Variants in ETNK2 observed in about 807,000 individuals in gnomAD.
ETNK2 encodes ethanolamine kinase-like protein.
ETNK2 carries 33 observed loss-of-function variants against 46.2 expected under a neutral mutation model. The ratio of observed to expected loss-of-function variants is 0.71; its 90% CI spans 0.54 to 0.96. The LOEUF (loss-of-function observed/expected upper bound fraction) is 0.96, where lower values mean the gene tolerates loss of function less well. ETNK2 is among the 40% of genes least tolerant of loss of function. The pLI is 0.00. For missense variants in ETNK2, 445 were observed against 509.7 expected (o/e 0.87, Z 1.22); for synonymous variants, 194 against 209.0 (o/e 0.93, Z 0.62).
Position 204,141,444 on chromosome 1 carries a change from C to T in ETNK2, c.655G>A (p.Val219Ile), listed in dbSNP as rs1355614190. The T allele has an allele frequency of 6.3e-7, 1 of 1,596,632 alleles. No homozygotes were observed. Among genetic ancestry groups the T allele is most frequent in the Non-Finnish European group, 8.5e-7 (1 of 1,171,492 alleles). Residue 219 changes from valine (V) to isoleucine (I), a missense_variant, in exon 4 of 8, where the codon GTC (valine) becomes ATC (isoleucine). Val to Ile is a conservative substitution (Grantham distance 29, BLOSUM62 3). Coordinates refer to ENST00000367202, the MANE Select transcript of ETNK2 (RefSeq NM_018208.4). Reference sequence around the variant, plus strand: ...CGTTCCAACACCTCTACCTTAGGGACATCTGCAGAAAGGCTGGGCAGTGGC... The same window carrying T: ...CGTTCCAACACCTCTACCTTAGGGATATCTGCAGAAAGGCTGGGCAGTGGC... ...NEINPSLSADVPKVEVLEREL... is the reference protein window; with the variant it reads ...NEINPSLSADIPKVEVLEREL...
intron 5 of ETNK2, among the ~76,000 whole-genome samples, chr1:204,138,451 C>G (rs991021147): frequency 5.9e-5 from 9 of 152,178 alleles, no homozygotes; most frequent in African/African-American, 2.2e-4. Flanking sequence ...TGTGGAAAGG[C>G]CAGGGGGCCT....
chr1:204,147,460 C>T (rs748325102), intron 2 of ETNK2: 8 of 533,322 alleles, frequency 1.5e-5, no homozygotes, highest in East Asian at 5.5e-5. Context: ...GAAAACTGAC[C>T]GGTCAGAGAA....
intron 5 of ETNK2, 100 bp downstream of exon 5, chr1:204,139,935 G>A (rs534501513): frequency 9.4e-6 from 9 of 954,960 alleles, no homozygotes; most frequent in Admixed American, 1.8e-5. Flanking sequence ...ACCTATTACC[G>A]TAAATATACA....
intron 3 of ETNK2, among the ~76,000 whole-genome samples, chr1:204,143,389 G>C (rs766747604): frequency 1.7e-5 from 2 of 116,456 alleles, no homozygotes; most frequent in Admixed American, 1.1e-4. Flanking sequence ...CCAAGGCCAC[G>C]CAGATGGTTA....
Position 204,151,521 on chromosome 1 carries a change from C to G in ETNK2, c.258+74G>C. The G allele has an allele frequency of 1.3e-6, 2 of 1,533,870 alleles. No homozygotes were observed. The highest frequency in any genetic ancestry group is 2.4e-5 in the South Asian group (2 of 82,706). On this transcript the variant is annotated intron_variant, in intron 1 of 7. Transcript: ENST00000367202. The surrounding 1 kb of genome is among the most constrained non-coding windows in gnomAD (Gnocchi z 8.0). ...CCTGGGACTGACACCCGGAAGGATG[C>G]GAGGACTGGGTCCCCGCATCCCCCT...
At chr1:204,142,360 C>T (rs1359005536) in intron 3 of ETNK2, 1 of 152,304 alleles carries the variant, frequency 6.6e-6, no homozygotes, top group Admixed American at 6.5e-5. Flanking sequence ...TGCCCCACCC[C>T]CATCCCAAGC....
chr1:204,140,045 A>G lies in ETNK2; in HGVS notation c.858T>C (p.Asn286=), dbSNP rs1414516152. 3.1e-6 allele frequency: 5 copies of G among 1,613,348 alleles called. No homozygotes were observed. The highest frequency in any genetic ancestry group is 4.2e-6 in the Non-Finnish European group (5 of 1,179,324). The change falls in exon 5 of 8, where the codon AAT becomes AAC. Residue 286 remains asparagine, a synonymous_variant. Coordinates refer to ENST00000367202, the MANE Select transcript of ETNK2 (RefSeq NM_018208.4). ...AAATGCCCCTCTCACCTGCAAACTC[A>G]TTGAAATGGTTGCCAATGTCAAAAG... is the stretch of plus-strand genomic sequence containing the variant. ...YQAFDIGNHF[N]EFAGVNEVDY...
At chr1:204,147,476 G>C (rs1281233725) in intron 2 of ETNK2, 1 of 533,334 alleles carries the variant, frequency 1.9e-6, no homozygotes, top group Non-Finnish European at 3.8e-6. Flanking sequence ...GAGAAGGAGG[G>C]CCTTGATAAA....
chr1:204,151,614 G>C lies in ETNK2; in HGVS notation c.239C>G (p.Pro80Arg). 6.5e-7 allele frequency: 1 copy of C among 1,548,510 alleles called. No individual in the cohort carries two copies. Among genetic ancestry groups the C allele is most frequent in the Non-Finnish European group, 8.7e-7 (1 of 1,145,980 alleles). Residue 80 changes from proline to arginine, a missense_variant, in exon 1 of 8, where the codon CCC becomes CGC. Transcript: ENST00000367202. The surrounding 1 kb of genome is among the most constrained non-coding windows in gnomAD (Gnocchi z 8.0). ...CGCTACCTTGGTCCGAACTTGCTCG[G>C]GTTTCCAATGCGGCCGCAGCTCCTG... ...LIQELRPHWK[P>R]EQVRTKRFTD...
rs767589767 is a variant in ETNK2, at chr1:204,151,583, C to T, written c.258+12G>A. The stretch of plus-strand genomic sequence containing the variant: ...CAGGACCCCATCCTCGGCCCCGCGC[C>T]CACTCCGCTACCTTGGTCCGAACTT... On this transcript the variant is annotated intron_variant, in intron 1 of 7. Transcript: ENST00000367202. The surrounding 1 kb of genome is among the most constrained non-coding windows in gnomAD (Gnocchi z 8.0). 2.6e-6 allele frequency: 4 copies of T among 1,548,806 alleles called. 1 individual carries two copies. The South Asian group carries it at 4.8e-5, about 18-fold the overall frequency.
At chr1:204,136,425 A>ATATATATATATATG (rs1553301315) in intron 6 of ETNK2, among the ~76,000 whole-genome samples, 1 of 149,412 alleles carries the variant, frequency 6.7e-6, no homozygotes, top group African/African-American at 2.5e-5. Flanking sequence ...ATATATATAT[A>ATATATATATATATG]TATGCCGGGC....
In ETNK2 at chr1:204,151,593, A is replaced by C; in HGVS notation, c.258+2T>G. 6.5e-7 allele frequency: 1 copy of C among 1,548,612 alleles called. No individual in the cohort carries two copies. The highest frequency in any genetic ancestry group is 8.7e-7 in the Non-Finnish European group (1 of 1,146,034). On this transcript the variant is annotated splice_donor_variant, in intron 1 of 7. Transcript: ENST00000367202. LOFTEE classifies it high-confidence loss of function. This position sits in a 1 kb window ranked among gnomAD's most constrained non-coding sequence, Gnocchi z 8.0. The stretch of plus-strand genomic sequence containing the variant: ...TCCTCGGCCCCGCGCCCACTCCGCT[A>C]CCTTGGTCCGAACTTGCTCGGGTTT...
intron 6 of ETNK2, among the ~76,000 whole-genome samples, chr1:204,135,297 G>A (rs998402842): frequency 3.3e-5 from 5 of 152,164 alleles, no homozygotes; most frequent in African/African-American, 4.8e-5. Flanking sequence ...GGAGGAGGGT[G>A]AGGATCAAAA....
rs1657088559 is a variant in ETNK2 at position 204,131,957 on chromosome 1, G to A, written c.*227C>T. ...AGGCACTTCCTCCCAAGCCTGGTGG[G>A]GTGAAGGGGACCCCCGGAAGGGGGT... On this transcript the variant is annotated 3_prime_UTR_variant, in exon 8 of 8. Transcript: ENST00000367202. The surrounding 1 kb of genome is among the most constrained non-coding windows in gnomAD (Gnocchi z 4.3). The A allele has an allele frequency of 3.5e-6, 2 of 565,174 alleles. No individual in the cohort carries two copies. Among genetic ancestry groups the A allele is most frequent in the South Asian group, 2.1e-5 (1 of 46,684 alleles). 35.0% of individuals were successfully genotyped at this position (565,174 alleles called of 1,614,324 possible). A position where few individuals can be genotyped will look rare whatever the true frequency, so the allele number is the denominator to read the frequency against.
At chr1:204,143,710 G>A (rs1201265454) in intron 3 of ETNK2, among the ~76,000 whole-genome samples, 2 of 152,172 alleles carry the variant, frequency 1.3e-5, no homozygotes, top group Admixed American at 6.5e-5. Flanking sequence ...TTTCTACTCT[G>A]CTGTCAAGAT....
chr1:204,134,046 G>GA (rs764345706), intron 7 of ETNK2, among the ~76,000 whole-genome samples: 47 of 152,342 alleles, frequency 3.1e-4, no homozygotes, highest in Admixed American at 5.9e-4. Context: ...GCTACTGAAG[G>GA]AGTAGCTGGG....
Position 204,151,321 on chromosome 1 carries a change from C to T in ETNK2, c.258+274G>A. On this transcript the variant is annotated intron_variant, in intron 1 of 7. Coordinates refer to ENST00000367202, the MANE Select transcript of ETNK2 (RefSeq NM_018208.4). The surrounding 1 kb of genome is among the most constrained non-coding windows in gnomAD (Gnocchi z 8.0). ...CAGCACGCAGCGACAGGGGGTGCGGCCCGCACACGCAGCATGCCGACAGTG... is the reference window on the plus strand; with the variant it reads ...CAGCACGCAGCGACAGGGGGTGCGGTCCGCACACGCAGCATGCCGACAGTG... 1 of 552,348 alleles carries T rather than the reference C, an allele frequency of 1.8e-6. No homozygotes were observed. Among genetic ancestry groups the T allele is most frequent in the Non-Finnish European group, 3.2e-6 (1 of 316,628 alleles). The allele number at this position is 552,348 out of a possible 1,614,324, so 34.2% of individuals were successfully genotyped here. A position where few individuals can be genotyped will look rare whatever the true frequency, so the allele number is the denominator to read the frequency against.
At chr1:204,132,398 T>C in intron 7 of ETNK2, 142 bp from the exon 8 acceptor site, 1 of 627,676 alleles carries the variant, frequency 1.6e-6, no homozygotes, top group East Asian at 2.8e-5. Flanking sequence ...CCAGACTGAT[T>C]AGTATTATTA....
At chr1:204,147,743 C>T (rs1355790895) in intron 2 of ETNK2, among the ~76,000 whole-genome samples, 1 of 152,202 alleles carries the variant, frequency 6.6e-6, no homozygotes, top group African/African-American at 2.4e-5. Context: ...GCAGGCCATA[C>T]CCTACTGGGA....
Sources: gnomAD v4.1 joint callset for allele counts (sites outside exome capture counted in the v4.1 genomes callset) on GRCh38, gnomAD v4.1.1 for gene constraint, Gnocchi (gnomAD v3.1) non-coding constraint, MANE v1.5 for transcripts, NCBI Gene and HGNC (gene_info 2026-07-23, HGNC 2026-07-21) for gene names.